CNBD1: variants seen among roughly 807,000 people sequenced by gnomAD.
CNBD1 encodes cyclic nucleotide binding domain containing 1, also known as cyclic nucleotide-binding domain-containing protein 1.
CNBD1 carries 71 observed loss-of-function variants against 54.4 expected under a neutral mutation model. The ratio of observed to expected loss-of-function variants is 1.30; its 90% CI spans 1.08 to 1.59. CNBD1 has a LOEUF of 1.59. CNBD1 is among the 40% of genes most tolerant of loss of function. CNBD1 has a pLI of 0.00. For synonymous variants in CNBD1, 182 were observed against 170.7 expected (o/e 1.07, Z -0.51); for missense variants, 659 against 518.0 (o/e 1.27, Z -2.64).
chr8:87,179,998 A>G (rs1268851307), intron 4 of CNBD1, among the ~76,000 whole-genome samples: 1 of 152,184 alleles, frequency 6.6e-6, no homozygotes, highest in Non-Finnish European at 1.5e-5. Context: ...AGTTAATGTA[A>G]AGGATTTATT....
At chr8:86,873,211 C>T (rs1427094178) in intron 1 of CNBD1, among the ~76,000 whole-genome samples, 2 of 151,598 alleles carry the variant, frequency 1.3e-5, no homozygotes, top group African/African-American at 4.8e-5. Flanking sequence ...AAGAGATTCA[C>T]CTGCCTCAGC....
At position 87,147,310 on chromosome 8, in the gene CNBD1, C is replaced by A. The variant is rs376107161; in HGVS notation, c.432-58683C>A. Among the ~76,000 whole-genome samples, 319 of 152,194 alleles carry A rather than the reference C, an allele frequency of 2.1e-3. 2 individuals are homozygous for A. The highest frequency in any genetic ancestry group is 0.018 in the South Asian group (87 of 4,822). On this transcript the variant is annotated intron_variant, in intron 4 of 10. Transcript: ENST00000518476. ...ATAACATCCATGAGAGCAGCAGCAA[C>A]CTCATCACTATTTTTCACACAAGCC... is the stretch of plus-strand genomic sequence containing the variant.
chr8:87,337,970 T>G (rs1231651750), intron 8 of CNBD1, among the ~76,000 whole-genome samples: 2 of 152,188 alleles, frequency 1.3e-5, no homozygotes, highest in Non-Finnish European at 2.9e-5. Context: ...GTTTTTCTAT[T>G]TTTGTCTTCT....
chr8:86,912,818 T>C (rs1268649602), intron 3 of CNBD1, among the ~76,000 whole-genome samples: 1 of 152,194 alleles, frequency 6.6e-6, no homozygotes, highest in Non-Finnish European at 1.5e-5. Context: ...TTATTGTCCC[T>C]GAAGACCTTC....
At chr8:87,365,975 T>C (rs935312309) in intron 10 of CNBD1, among the ~76,000 whole-genome samples, 3 of 152,054 alleles carry the variant, frequency 2.0e-5, no homozygotes, top group African/African-American at 7.2e-5. Flanking sequence ...TCATAAAATG[T>C]CCTATAAATC....
At chr8:86,983,075 G>T (rs1808523934) in intron 4 of CNBD1, among the ~76,000 whole-genome samples, 2 of 152,048 alleles carry the variant, frequency 1.3e-5, no homozygotes, top group Admixed American at 1.3e-4. Context: ...ATATGGTTTG[G>T]GTGTGTCCTC....
intron 4 of CNBD1, among the ~76,000 whole-genome samples, chr8:86,958,627 T>C (rs2130463981): frequency 6.6e-6 from 1 of 152,324 alleles, no homozygotes; most frequent in East Asian, 1.9e-4. Flanking sequence ...TAAAGTCTGT[T>C]TTATCAGAGA....
chr8:87,032,522 G>A (rs1416434925), intron 4 of CNBD1, among the ~76,000 whole-genome samples: 2 of 152,132 alleles, frequency 1.3e-5, no homozygotes, highest in Non-Finnish European at 2.9e-5. Flanking sequence ...CCCACTGAAT[G>A]GGCTGAGGAG....
chr8:87,142,691 A>G (rs1196709566), intron 4 of CNBD1, among the ~76,000 whole-genome samples: 1 of 152,128 alleles, frequency 6.6e-6, no homozygotes, highest in African/African-American at 2.4e-5. Flanking sequence ...TCAGTTTGTG[A>G]TATCTTACTT....
chr8:87,411,867 G>A (rs1334934749), intron 2 of CNBD1, among the ~76,000 whole-genome samples: 1 of 151,654 alleles, frequency 6.6e-6, no homozygotes, highest in Non-Finnish European at 1.5e-5. Context: ...GACCATGAAG[G>A]GAATAGAAAC....
At chr8:86,869,733 A>T (rs1808415351) in intron 1 of CNBD1, among the ~76,000 whole-genome samples, 1 of 152,206 alleles carries the variant, frequency 6.6e-6, no homozygotes, top group Non-Finnish European at 1.5e-5. Context: ...ATAGCTAACA[A>T]ACTGTACAGT....
At chr8:86,970,268 T>C (rs1362483446) in intron 4 of CNBD1, among the ~76,000 whole-genome samples, 1 of 152,184 alleles carries the variant, frequency 6.6e-6, no homozygotes, top group Non-Finnish European at 1.5e-5. Context: ...TCCCTACTCC[T>C]TCTGGAATTT....
At chr8:87,314,407 C>G (rs1809337876) in intron 8 of CNBD1, among the ~76,000 whole-genome samples, 1 of 151,622 alleles carries the variant, frequency 6.6e-6, no homozygotes, top group Admixed American at 6.6e-5. Context: ...GATTTGAGGA[C>G]AGTTTCATCT....
chr8:87,159,362 G>C (rs1374353168), intron 4 of CNBD1, among the ~76,000 whole-genome samples: 1 of 151,938 alleles, frequency 6.6e-6, no homozygotes, highest in Non-Finnish European at 1.5e-5. Context: ...AAAGAGAATG[G>C]GGCTGATTCA....
chr8:86,879,510 A>C (rs1808571771), intron 1 of CNBD1, among the ~76,000 whole-genome samples: 2 of 152,198 alleles, frequency 1.3e-5, no homozygotes, highest in Non-Finnish European at 2.9e-5. Context: ...GTAATGATCC[A>C]AAGAGAATAT....
At chr8:87,419,758 T>C (rs1807896482) in intron 2 of CNBD1, among the ~76,000 whole-genome samples, 1 of 151,778 alleles carries the variant, frequency 6.6e-6, no homozygotes, top group Non-Finnish European at 1.5e-5. Flanking sequence ...CCAATTCACT[T>C]TAAAGTATGA....
At chr8:87,274,734 A>G (rs1808440346) in intron 6 of CNBD1, among the ~76,000 whole-genome samples, 1 of 133,170 alleles carries the variant, frequency 7.5e-6, no homozygotes, top group South Asian at 2.5e-4. Flanking sequence ...GTTCACTCTG[A>G]TGGTAGTTTC....
At chr8:87,376,703 C>G (rs1810947949) in intron 10 of CNBD1, among the ~76,000 whole-genome samples, 1 of 151,894 alleles carries the variant, frequency 6.6e-6, no homozygotes, top group Non-Finnish European at 1.5e-5. Flanking sequence ...TTCATTTCAT[C>G]TTAATGAAAA....
intron 10 of CNBD1, among the ~76,000 whole-genome samples, chr8:87,363,408 T>G (rs1271047985): frequency 6.6e-6 from 1 of 152,152 alleles, no homozygotes. Context: ...TTATAGATCC[T>G]TGAGGAATTG....
Sources: allele counts gnomAD v4.1 joint callset (sites outside exome capture counted in the v4.1 genomes callset), GRCh38; gene constraint gnomAD v4.1.1; transcripts MANE v1.5; gene names NCBI Gene and HGNC (gene_info 2026-07-23, HGNC 2026-07-21).